FRMD6: variants seen among roughly 807,000 people sequenced by gnomAD.
FRMD6 encodes FERM domain-containing protein 6.
Under a neutral mutation model 73.2 loss-of-function variants are expected in FRMD6, and 37 were observed. That is an observed-to-expected ratio of 0.51 (90% CI 0.39 to 0.66). The LOEUF is 0.66. Among genes scored for constraint, FRMD6 ranks in the 30% least tolerant of loss-of-function variants. The probability of loss-of-function intolerance (pLI) is 0.00; values close to 1 mark genes in which losing one functional copy is unlikely to be tolerated. For missense variants in FRMD6, 714 were observed against 780.5 expected (o/e 0.91, Z 1.02); for synonymous variants, 273 against 282.2 (o/e 0.97, Z 0.33).
At chr14:51,725,920 A>C (rs1406932732) in intron 13 of FRMD6, 50 bp downstream of exon 13, 6 of 1,343,668 alleles carry the variant, frequency 4.5e-6, no homozygotes, top group Non-Finnish European at 6.4e-6. Flanking sequence ...GTTATAGAAA[A>C]TTTTAAGTAG....
intron 2 of FRMD6, among the ~76,000 whole-genome samples, chr14:51,578,514 T>A (rs1888528148): frequency 6.6e-6 from 1 of 152,252 alleles, no homozygotes; most frequent in South Asian, 2.1e-4. Context: ...GAGCATGCCC[T>A]TGCTTATTCG....
the FRMD6 span, among the ~76,000 whole-genome samples, chr14:51,453,315 G>A: frequency 6.6e-6 from 1 of 152,082 alleles, no homozygotes; most frequent in African/African-American, 2.4e-5. Context: ...CTGGGACTGT[G>A]GGAGGGAGGA....
the FRMD6 span, among the ~76,000 whole-genome samples, chr14:51,412,573 CG>C: frequency 4.6e-5 from 7 of 152,238 alleles, no homozygotes; most frequent in South Asian, 2.1e-4. Context: ...ACGGACAGGC[CG>C]GGCGCGGTGG....
intron 1 of FRMD6, among the ~76,000 whole-genome samples, chr14:51,501,310 G>A (rs1211856070): frequency 2.6e-5 from 4 of 152,064 alleles, no homozygotes; most frequent in African/African-American, 4.8e-5. Context: ...AGATCATCCC[G>A]TCACCTAGGT....
At chr14:51,579,847 C>T (rs1241732907) in intron 2 of FRMD6, among the ~76,000 whole-genome samples, 1 of 152,162 alleles carries the variant, frequency 6.6e-6, no homozygotes, top group African/African-American at 2.4e-5. Flanking sequence ...CAATCTGACA[C>T]ATGTACACAC....
chr14:51,464,688 C>T, the FRMD6 span, among the ~76,000 whole-genome samples: 6 of 152,062 alleles, frequency 3.9e-5, no homozygotes, highest in Admixed American at 1.3e-4. Flanking sequence ...AGGTGTTGTC[C>T]GAGGGGCTCA....
At chr14:51,469,404 C>G in the FRMD6 span, among the ~76,000 whole-genome samples, 5 of 149,960 alleles carry the variant, frequency 3.3e-5, no homozygotes, top group East Asian at 2.0e-4. Flanking sequence ...ACGAGGTCAG[C>G]AGATCGAGAC....
chr14:51,663,547 G>A (rs1893374030), intron 1 of FRMD6, among the ~76,000 whole-genome samples: 2 of 152,298 alleles, frequency 1.3e-5, no homozygotes, highest in South Asian at 2.1e-4. Context: ...TTATGTGGGA[G>A]CTTAATGATG....
At chr14:51,646,342 ACC>A (rs1348676269) in intron 2 of FRMD6, among the ~76,000 whole-genome samples, 2 of 126,274 alleles carry the variant, frequency 1.6e-5, no homozygotes, top group Non-Finnish European at 3.5e-5. Context: ...AAAAAAAAAA[ACC>A]CACTGAAGAG....
At chr14:51,722,472 A>T (rs1014782615) in intron 12 of FRMD6, among the ~76,000 whole-genome samples, 1 of 152,134 alleles carries the variant, frequency 6.6e-6, no homozygotes, top group Non-Finnish European at 1.5e-5. Flanking sequence ...ATGGCTAGAA[A>T]CAGAAGTAGG....
chr14:51,649,531 A>G (rs1255306617), upstream of FRMD6: 2 of 152,186 alleles, frequency 1.3e-5, no homozygotes, highest in Non-Finnish European at 2.9e-5. Flanking sequence ...CAAGATAGTG[A>G]TATATTATTC....
At chr14:51,704,341 C>A (rs1896500704) in intron 5 of FRMD6, among the ~76,000 whole-genome samples, 1 of 152,074 alleles carries the variant, frequency 6.6e-6, no homozygotes, top group South Asian at 2.1e-4. Context: ...CAGGATTGCT[C>A]CTCAGATTTT....
chr14:51,614,322 C>T (rs921041771), intron 2 of FRMD6, among the ~76,000 whole-genome samples: 5 of 151,968 alleles, frequency 3.3e-5, no homozygotes, highest in Non-Finnish European at 5.9e-5. Flanking sequence ...TAACATACAC[C>T]GTAGAATGAG....
chr14:51,558,465 CAA>C (rs1355547934), intron 1 of FRMD6, among the ~76,000 whole-genome samples: 1 of 124,008 alleles, frequency 8.1e-6, no homozygotes, highest in African/African-American at 3.2e-5. Context: ...AAGACTGTCT[CAA>C]AAAAAAAACA....
At chr14:51,422,541 G>A in the FRMD6 span, among the ~76,000 whole-genome samples, 1 of 152,060 alleles carries the variant, frequency 6.6e-6, no homozygotes, top group Non-Finnish European at 1.5e-5. Context: ...AGTAAAAGAG[G>A]ACAAGAGGGA....
At chr14:51,528,028 G>T (rs1885360780) in intron 1 of FRMD6, among the ~76,000 whole-genome samples, 1 of 152,162 alleles carries the variant, frequency 6.6e-6, no homozygotes, top group South Asian at 2.1e-4. Context: ...TGTGGTCCCA[G>T]CTACTCCAGA....
chr14:51,630,294 C>A (rs754473339), intron 2 of FRMD6, among the ~76,000 whole-genome samples: 9 of 151,852 alleles, frequency 5.9e-5, no homozygotes, highest in Non-Finnish European at 1.2e-4. Context: ...TGAGATAGTT[C>A]TATAATCGTC....
At chr14:51,414,588 G>C in the FRMD6 span, among the ~76,000 whole-genome samples, 1 of 152,208 alleles carries the variant, frequency 6.6e-6, no homozygotes, top group South Asian at 2.1e-4. Flanking sequence ...CAGGTAGTGT[G>C]ATGCCTTCAG....
intron 2 of FRMD6, among the ~76,000 whole-genome samples, chr14:51,623,045 C>T (rs867492566): frequency 3.3e-5 from 5 of 152,068 alleles, no homozygotes; most frequent in Non-Finnish European, 4.4e-5. Context: ...GTCATGGCTT[C>T]GTCATTTGTC....
Sources: gnomAD v4.1 joint callset for allele counts (sites outside exome capture counted in the v4.1 genomes callset) on GRCh38, gnomAD v4.1.1 for gene constraint, MANE v1.5 for transcripts, NCBI Gene and HGNC (gene_info 2026-07-23, HGNC 2026-07-21) for gene names.